Variants in HMCN2 observed in about 807,000 individuals in gnomAD.
The protein encoded by HMCN2 is hemicentin-2.
Under a neutral mutation model 377.5 loss-of-function variants are expected in HMCN2, and 325 were observed. The ratio of observed to expected loss-of-function variants is 0.86; its 90% CI spans 0.79 to 0.94. HMCN2 has a LOEUF of 0.94. Among genes scored for constraint, HMCN2 ranks in the 40% least tolerant of loss-of-function variants. HMCN2 has a pLI of 0.00. For missense variants in HMCN2, 4,543 were observed against 4,725.3 expected (o/e 0.96, Z 1.13); for synonymous variants, 2,007 against 2,046.8 (o/e 0.98, Z 0.53).
intron 39 of HMCN2, 38 bp from the exon 40 acceptor site, chr9:130,362,829 G>C: frequency 3.0e-6 from 3 of 985,826 alleles, no homozygotes; most frequent in Non-Finnish European, 3.6e-6. Context: ...GCAACAGCAG[G>C]ACAGTTGCCT....
chr9:130,353,256 G>T, intron 31 of HMCN2, 51 bp downstream of exon 31: 1 of 1,279,496 alleles, frequency 7.8e-7, no homozygotes, highest in South Asian at 1.3e-5. Context: ...GAGGGACTCA[G>T]CCATGGTGGC....
intron 39 of HMCN2, 95 bp from the exon 40 acceptor site, chr9:130,362,772 G>A (rs1046609168): frequency 9.5e-6 from 9 of 947,912 alleles, no homozygotes; most frequent in Middle Eastern, 5.3e-4. Context: ...AGGCGTGCTC[G>A]GCAGCAAGGC....
chr9:130,379,154 C>G lies in HMCN2; in HGVS notation c.8213-95C>G, dbSNP rs146321536. Reference sequence around the variant, plus strand: ...GGGAATGGCTCAAGTAATGGATTTCCGCTTGGGAGAGGCTGGGACGAGAAT... The same window carrying G: ...GGGAATGGCTCAAGTAATGGATTTCGGCTTGGGAGAGGCTGGGACGAGAAT... On this transcript the variant is annotated intron_variant, in intron 53 of 97. Transcript: ENST00000683500. 4.4e-4 allele frequency: 130 copies of G among 295,280 alleles called. 1 individual carries two copies. The highest frequency in any genetic ancestry group is 6.2e-4 in the Non-Finnish European group (123 of 198,982). The allele number at this position is 295,280 out of a possible 1,614,324, so 18.3% of individuals were successfully genotyped here. A position where few individuals can be genotyped will look rare whatever the true frequency, so the allele number is the denominator to read the frequency against.
chr9:130,394,072 A>G lies in HMCN2; in HGVS notation c.10501+64A>G. The G allele has an allele frequency of 8.5e-7, 1 of 1,182,444 alleles. No individual in the cohort carries two copies. The highest frequency in any genetic ancestry group is 1.1e-6 in the Non-Finnish European group (1 of 936,098). The allele number at this position is 1,182,444 out of a possible 1,614,324, so 73.2% of individuals were successfully genotyped here. ...GGGGAGAGGGTGGGACTCTAGGGGCAATGGGAAGGACAGTGAGGGAGGTGA... is the reference window on the plus strand; with the variant it reads ...GGGGAGAGGGTGGGACTCTAGGGGCGATGGGAAGGACAGTGAGGGAGGTGA... On this transcript the variant is annotated intron_variant, in intron 68 of 97. Transcript: ENST00000683500. This position sits in a 1 kb window ranked among gnomAD's most constrained non-coding sequence, Gnocchi z 5.1.
At position 130,354,852 on chromosome 9, in the gene HMCN2, G is replaced by A. The variant is rs181203387; in HGVS notation, c.4954G>A (p.Gly1652Ser). 2.9e-4 allele frequency: 374 copies of A among 1,304,278 alleles called. No individual in the cohort carries two copies. In the African/African-American group the frequency reaches 5.0e-3, roughly 17 times the overall value. 80.8% of individuals were successfully genotyped at this position (1,304,278 alleles called of 1,614,324 possible). A position where few individuals can be genotyped will look rare whatever the true frequency, so the allele number is the denominator to read the frequency against. The change falls in exon 32 of 98, where the codon GGC (glycine) becomes AGC (serine). Residue 1652 changes from glycine (G) to serine (S), a missense_variant. Transcript: ENST00000683500. ...TGTGGCGCTGGAGTGCGTGGCCAGA[G>A]GCCACCCGTCCCCCACCCTCTCCTG... ...RPVALECVAR[G>S]HPSPTLSWHH...
rs1244928066 is a variant in HMCN2 at position 130,428,206 on chromosome 9, TG to T, written c.14066-150del. ...TGTTTTGGGATAGGGAGCAAGACAA[TG>T]GAAAGAGCTAGCAGAAGGGGTGGGG... On this transcript the variant is annotated intron_variant, in intron 92 of 97. Coordinates refer to ENST00000683500, the MANE Select transcript of HMCN2 (RefSeq NM_001291815.2). The surrounding 1 kb of genome is among the most constrained non-coding windows in gnomAD (Gnocchi z 5.0). Among the ~76,000 whole-genome samples the T allele has an allele frequency of 4.0e-5, 6 of 151,888 alleles. No homozygotes were observed. Among genetic ancestry groups the T allele is most frequent in the Non-Finnish European group, 8.8e-5 (6 of 67,970 alleles).
intron 25 of HMCN2, among the ~76,000 whole-genome samples, chr9:130,346,747 C>A (rs1286426753): frequency 6.6e-6 from 1 of 151,934 alleles, no homozygotes; most frequent in African/African-American, 2.4e-5. Flanking sequence ...GTGGGGGACA[C>A]GGAAAAGAGA....
At chr9:130,356,499 G>A (rs1433849237) in intron 34 of HMCN2, among the ~76,000 whole-genome samples, 1 of 152,176 alleles carries the variant, frequency 6.6e-6, no homozygotes, top group Non-Finnish European at 1.5e-5. Context: ...CTTCCTCTCT[G>A]TCCATCTGCT....
chr9:130,323,539 A>AT (rs1197701433), intron 19 of HMCN2, among the ~76,000 whole-genome samples: 2 of 152,218 alleles, frequency 1.3e-5, no homozygotes, highest in Non-Finnish European at 2.9e-5. Flanking sequence ...GTACCAAAAG[A>AT]TTAAGTGGCT....
chr9:130,348,321 G>A lies in HMCN2; in HGVS notation c.4025-224G>A, dbSNP rs115778365. On this transcript the variant is annotated intron_variant, in intron 26 of 97. Coordinates refer to ENST00000683500, the MANE Select transcript of HMCN2 (RefSeq NM_001291815.2). ...ACCTTGCAAAGCTGAGAGTCAGAAA[G>A]GGTGACACCTGGGCCTGGGCACGAC... Among the ~76,000 whole-genome samples, 1,469 of 152,352 alleles carry A rather than the reference G, an allele frequency of 9.6e-3. 33 individuals are homozygous for A. Among genetic ancestry groups the A allele is most frequent in the African/African-American group, 0.033 (1,389 of 41,594 alleles).
rs375618555 is a variant in HMCN2 at position 130,393,003 on chromosome 9, C to CA, written c.10137-197dup. Among the ~76,000 whole-genome samples, 9,816 of 136,890 alleles carry CA rather than the reference C, an allele frequency of 0.072. 415 individuals are homozygous for CA. The highest frequency in any genetic ancestry group is 0.13 in the African/African-American group (4,969 of 37,388). The allele number at this position is 136,890 out of a possible 152,430, so 89.8% of individuals were successfully genotyped here. ...AGAGTGAGACACCATCTCACCATCT[C>CA]AAAAAAAAAAAAGAAAAAGAGAGAG... On this transcript the variant is annotated intron_variant, in intron 66 of 97. Coordinates refer to ENST00000683500, the MANE Select transcript of HMCN2 (RefSeq NM_001291815.2). This position sits in a 1 kb window ranked among gnomAD's most constrained non-coding sequence, Gnocchi z 5.2.
At chr9:130,397,068 T>C (rs1386334608) in intron 73 of HMCN2, among the ~76,000 whole-genome samples, 4 of 152,128 alleles carry the variant, frequency 2.6e-5, no homozygotes, top group Non-Finnish European at 5.9e-5. Flanking sequence ...ATTAGGCCAT[T>C]TTCACGTTGC....
intron 34 of HMCN2, 166 bp downstream of exon 34, chr9:130,356,423 G>A: frequency 7.4e-6 from 3 of 407,242 alleles, no homozygotes; most frequent in Non-Finnish European, 1.0e-5. Context: ...GTGAGAGGCT[G>A]GCCGGGCCAC....
In HMCN2 at chr9:130,430,207, G is replaced by A. The variant is rs546937978; in HGVS notation, c.14327-77G>A. On this transcript the variant is annotated intron_variant, in intron 94 of 97. Coordinates refer to ENST00000683500, the MANE Select transcript of HMCN2 (RefSeq NM_001291815.2). Reference sequence around the variant, plus strand: ...CTAGGGAATGCCAACAAGAGAGAAGGCAGGGCCAGGCAATGGCTGCAGGCT... The same window carrying A: ...CTAGGGAATGCCAACAAGAGAGAAGACAGGGCCAGGCAATGGCTGCAGGCT... 153 of 1,201,808 alleles carry A rather than the reference G, an allele frequency of 1.3e-4. 1 individual carries two copies. The South Asian group carries it at 2.0e-3, about 16-fold the overall frequency. 74.4% of individuals were successfully genotyped at this position (1,201,808 alleles called of 1,614,324 possible).
intron 4 of HMCN2, among the ~76,000 whole-genome samples, chr9:130,287,738 C>G (rs1835497574): frequency 6.6e-6 from 1 of 152,152 alleles, no homozygotes; most frequent in Admixed American, 6.5e-5. Context: ...TTACATTTCC[C>G]AGCTCAGAGC....
Position 130,354,983 on chromosome 9 carries a change from C to T in HMCN2, c.5085C>T (p.Tyr1695=). 7.7e-7 allele frequency: 1 copy of T among 1,299,148 alleles called. No individual in the cohort carries two copies. Among genetic ancestry groups the T allele is most frequent in the South Asian group, 1.2e-5 (1 of 80,990 alleles). The allele number at this position is 1,299,148 out of a possible 1,614,324, so 80.5% of individuals were successfully genotyped here. A position where few individuals can be genotyped will look rare whatever the true frequency, so the allele number is the denominator to read the frequency against. The change falls in exon 32 of 98, where the codon TAC becomes TAT. Residue 1695 remains tyrosine, a synonymous_variant. Coordinates refer to ENST00000683500, the MANE Select transcript of HMCN2 (RefSeq NM_001291815.2). Reference sequence around the variant, plus strand: ...CGGGGGAGGCATCCAGTGGCCTGTACAGCTGTGTGGCCAGCAGTCCTGCCG... The same window carrying T: ...CGGGGGAGGCATCCAGTGGCCTGTATAGCTGTGTGGCCAGCAGTCCTGCCG... ...ESPGEASSGL[Y]SCVASSPAGE...
intron 19 of HMCN2, among the ~76,000 whole-genome samples, chr9:130,322,187 A>G (rs1364368215): frequency 2.6e-5 from 4 of 152,232 alleles, no homozygotes; most frequent in African/African-American, 9.7e-5. Flanking sequence ...CTATATGTAT[A>G]TCACACACAC....
At chr9:130,364,955 G>T (rs1840613670) in intron 41 of HMCN2, 66 bp downstream of exon 41, 4 of 914,916 alleles carry the variant, frequency 4.4e-6, no homozygotes, top group Non-Finnish European at 5.2e-6. Context: ...GGGGCCTGCA[G>T]GTGCCCCAGC....
Position 130,364,720 on chromosome 9 carries a change from C to G in HMCN2, c.6239C>G (p.Pro2080Arg). ...CTCCTGCCCCCTCCTGCAGTGCCCC[C>G]GAGTATCCTTGGAGAAGAGCTGAAT... ...QDVVLQVHMP[P>R]SILGEELNVS... The change falls in exon 41 of 98, where the codon CCG (proline) becomes CGG (arginine). Residue 2080 changes from proline (P) to arginine (R), a missense_variant. Around this residue, in one of 5 missense-constraint regions of HMCN2, gnomAD observed 1,032 missense variants for 1,285.1 expected, o/e 0.80. Transcript: ENST00000683500. 1.2e-5 allele frequency: 12 copies of G among 986,094 alleles called. No individual in the cohort carries two copies. The highest frequency in any genetic ancestry group is 1.4e-5 in the Non-Finnish European group (12 of 830,130). 61.1% of individuals were successfully genotyped at this position (986,094 alleles called of 1,614,324 possible). A position where few individuals can be genotyped will look rare whatever the true frequency, so the allele number is the denominator to read the frequency against.
Sources: allele counts gnomAD v4.1 joint callset (sites outside exome capture counted in the v4.1 genomes callset), GRCh38; gene constraint gnomAD v4.1.1; regional missense constraint gnomAD v4.1.1; non-coding constraint Gnocchi (gnomAD v3.1); transcripts MANE v1.5; gene names NCBI Gene and HGNC (gene_info 2026-07-23, HGNC 2026-07-21).